Variants in MYOC observed in about 807,000 individuals in gnomAD.
MYOC encodes myocilin.
In MYOC, 29 loss-of-function variants were observed where a neutral mutation model predicts 28.2. The ratio of observed to expected loss-of-function variants is 1.03; its 90% CI spans 0.77 to 1.40. MYOC has a LOEUF of 1.40. Among genes scored for constraint, MYOC ranks in the 40% most tolerant of loss-of-function variants. The pLI is 0.00. For synonymous variants in MYOC, 240 were observed against 245.6 expected, an observed-to-expected ratio of 0.98 and a Z score of 0.21; for missense variants, 569 against 620.6, an observed-to-expected ratio of 0.92 and a Z score of 0.88.
intron 2 of MYOC, 23 bp from the exon 3 acceptor site, chr1:171,636,732 C>T (rs570362947): frequency 1.2e-4 from 199 of 1,597,368 alleles, no homozygotes; most frequent in South Asian, 9.8e-4. Flanking sequence ...GAAAAGAAAA[C>T]GAAGCACCAC....
chr1:171,639,496 T>A (rs1653019817), intron 1 of MYOC, among the ~76,000 whole-genome samples: 1 of 151,756 alleles, frequency 6.6e-6, no homozygotes, highest in Admixed American at 6.6e-5. Context: ...TCATGAAAAA[T>A]TAGCTGGGCA....
At chr1:171,642,895 A>AG (rs1248469859) in intron 1 of MYOC, among the ~76,000 whole-genome samples, 3 of 151,774 alleles carry the variant, frequency 2.0e-5, no homozygotes, top group Admixed American at 6.6e-5. Flanking sequence ...GTTTAAAAAA[A>AG]AAAAAAAAAA....
rs1421370936 is a variant in MYOC at position 171,652,111 on chromosome 1, G to A, written c.501C>T (p.Ala167=). ...CCTGGCTGCTGCTTTCCAACCTCCT[G>A]GCCAGATTCTCATTTTCTTGCCTTA... ...KRLRQENENL[A]RRLESSSQEV... Residue 167 remains alanine, a synonymous_variant, in exon 1 of 3, where the codon GCC becomes GCT. Transcript: ENST00000037502. 6.2e-7 allele frequency: 1 copy of A among 1,614,104 alleles called. No individual in the cohort carries two copies. Among genetic ancestry groups the A allele is most frequent in the Non-Finnish European group, 8.5e-7 (1 of 1,180,012 alleles).
chr1:171,637,937 C>T (rs2102945365), intron 2 of MYOC, among the ~76,000 whole-genome samples: 1 of 152,254 alleles, frequency 6.6e-6, no homozygotes, highest in South Asian at 2.1e-4. Context: ...TTTAATGGCA[C>T]CTTCGGTTCC....
Position 171,636,025 on chromosome 1 carries a change from T to C in MYOC, c.1415A>G (p.Lys472Arg). The C allele has an allele frequency of 6.2e-7, 1 of 1,614,202 alleles. No homozygotes were observed. Among genetic ancestry groups the C allele is most frequent in the Non-Finnish European group, 8.5e-7 (1 of 1,180,042 alleles). ...GTTGTAGTCAATCATGCTGCTGTAC[T>C]TATAGCGGTTCTTGAATGGGATGGT... ...TLTIPFKNRY[K>R]YSSMIDYNPL... The change falls in exon 3 of 3, where the codon AAG becomes AGG. Residue 472 changes from lysine to arginine, a missense_variant. Transcript: ENST00000037502.
At chr1:171,641,108 AGAT>A (rs1653068374) in intron 1 of MYOC, among the ~76,000 whole-genome samples, 1 of 152,052 alleles carries the variant, frequency 6.6e-6, no homozygotes, top group Non-Finnish European at 1.5e-5. Context: ...CTGTGGCGGG[AGAT>A]GATGATAATC....
At position 171,635,833 on chromosome 1, in the gene MYOC, G is replaced by A; in HGVS notation, c.*92C>T. 2.2e-6 allele frequency: 3 copies of A among 1,381,116 alleles called. No individual in the cohort carries two copies. The highest frequency in any genetic ancestry group is 3.0e-6 in the Non-Finnish European group (3 of 988,356). 85.6% of individuals were successfully genotyped at this position (1,381,116 alleles called of 1,614,324 possible). On this transcript the variant is annotated 3_prime_UTR_variant, in exon 3 of 3. Coordinates refer to ENST00000037502, the MANE Select transcript of MYOC (RefSeq NM_000261.2). ...ACTTGGAAAGCAGTCAAAGCTGCCTGGGCCCTGGCTGGCTGGCTCTCCCTT... is the reference window on the plus strand; with the variant it reads ...ACTTGGAAAGCAGTCAAAGCTGCCTAGGCCCTGGCTGGCTGGCTCTCCCTT...
chr1:171,641,985 CT>C (rs1483025692), intron 1 of MYOC, among the ~76,000 whole-genome samples: 8 of 152,260 alleles, frequency 5.3e-5, no homozygotes, highest in Non-Finnish European at 8.8e-5. Flanking sequence ...ATTTTCACAT[CT>C]CCAGAGTCAG....
chr1:171,638,592 C>T lies in MYOC; in HGVS notation c.730+5G>A, dbSNP rs1402163127. The T allele has an allele frequency of 6.2e-7, 1 of 1,614,064 alleles. No individual in the cohort carries two copies. Among genetic ancestry groups the T allele is most frequent in the East Asian group, 2.2e-5 (1 of 44,870 alleles). On this transcript the variant is annotated splice_donor_5th_base_variant and intron_variant, in intron 2 of 2. Transcript: ENST00000037502. ...GCACAAAAGGGAAGAAACTTAACTT[C>T]ATACCGGTGTCTCCCTCTCCACTCC...
chr1:171,637,681 C>T (rs1364898295), intron 2 of MYOC, among the ~76,000 whole-genome samples: 6 of 150,950 alleles, frequency 4.0e-5, no homozygotes, highest in African/African-American at 1.5e-4. Flanking sequence ...GGTGTGATCT[C>T]GGCTCACTGC....
chr1:171,652,538 C>T lies in MYOC; in HGVS notation c.74G>A (p.Cys25Tyr). Reference sequence around the variant, plus strand: ...CCTGGCCCCCACATCCCACACCAGGCAGGCCAGAAGCAGCAGCTGGACAGC... The same window carrying T: ...CCTGGCCCCCACATCCCACACCAGGTAGGCCAGAAGCAGCAGCTGGACAGC... ...MPAVQLLLLA[C>Y]LVWDVGARTA... Residue 25 changes from cysteine to tyrosine, a missense_variant, in exon 1 of 3, where the codon TGC becomes TAC. Transcript: ENST00000037502. 2 of 1,614,226 alleles carry T rather than the reference C, an allele frequency of 1.2e-6. No homozygotes were observed. The highest frequency in any genetic ancestry group is 1.7e-6 in the Non-Finnish European group (2 of 1,180,044).
intron 2 of MYOC, among the ~76,000 whole-genome samples, chr1:171,638,124 C>T (rs963464185): frequency 1.2e-4 from 19 of 152,196 alleles, no homozygotes; most frequent in Non-Finnish European, 2.4e-4. Flanking sequence ...TCAGGGAACA[C>T]TTTGGAGAGA....
chr1:171,646,370 G>C (rs1251600031), intron 1 of MYOC, among the ~76,000 whole-genome samples: 1 of 151,962 alleles, frequency 6.6e-6, no homozygotes, highest in East Asian at 1.9e-4. Flanking sequence ...TCTCTGGAAT[G>C]TTTTAAAATC....
intron 1 of MYOC, among the ~76,000 whole-genome samples, chr1:171,648,628 T>TATAATTATATATATAATAAA (rs1653260344): frequency 6.7e-6 from 1 of 148,192 alleles, no homozygotes; most frequent in South Asian, 2.1e-4. Context: ...TATATATGTA[T>TATAATTATATATATAATAAA]TTTATTATAT....
chr1:171,639,369 A>T (rs969444938), intron 1 of MYOC, among the ~76,000 whole-genome samples: 2 of 152,172 alleles, frequency 1.3e-5, no homozygotes, highest in Admixed American at 6.6e-5. Context: ...TTCAAAATCA[A>T]ATAATATTTT....
rs770869439 is a variant in MYOC at position 171,638,637 on chromosome 1, C to T, written c.690G>A (p.Glu230=). ...TEVPASRILK[E]SPSGYLRSGE... ...CACTCCTGAGATAGCCAGATGGGCT[C>T]TCCTTCAAAATTCGGGAAGCAGGAA... The change falls in exon 2 of 3, where the codon GAG becomes GAA. Residue 230 remains glutamate, a synonymous_variant. Coordinates refer to ENST00000037502, the MANE Select transcript of MYOC (RefSeq NM_000261.2). 1.9e-6 allele frequency: 3 copies of T among 1,614,192 alleles called. No individual in the cohort carries two copies. The South Asian group carries it at 3.3e-5, about 18-fold the overall frequency.
chr1:171,635,881 C>T lies in MYOC; in HGVS notation c.*44G>A. 1 of 1,607,904 alleles carries T rather than the reference C, an allele frequency of 6.2e-7. No individual in the cohort carries two copies. Among genetic ancestry groups the T allele is most frequent in the Non-Finnish European group, 8.5e-7 (1 of 1,176,216 alleles). On this transcript the variant is annotated 3_prime_UTR_variant, in exon 3 of 3. Transcript: ENST00000037502. ...CTTCAGCCTGCTCCCCCCAGGAGCC[C>T]TGAGCATCTCCTTCTGCCATTGCCT... is the stretch of plus-strand genomic sequence containing the variant.
rs1307396649 is a variant in MYOC, at chr1:171,635,775, G to A, written c.*150C>T. 1.7e-5 allele frequency: 13 copies of A among 749,066 alleles called. No individual in the cohort carries two copies. Among genetic ancestry groups the A allele is most frequent in the Non-Finnish European group, 3.0e-5 (13 of 439,336 alleles). The allele number at this position is 749,066 out of a possible 1,614,324, so 46.4% of individuals were successfully genotyped here. A position where few individuals can be genotyped will look rare whatever the true frequency, so the allele number is the denominator to read the frequency against. On this transcript the variant is annotated 3_prime_UTR_variant, in exon 3 of 3. Coordinates refer to ENST00000037502, the MANE Select transcript of MYOC (RefSeq NM_000261.2). ...GACTACAATTCCTGAATAGTTAGAT[G>A]GTGACCATGTTCATCCTTCTGGATT...
In MYOC at chr1:171,652,122, C is replaced by T. The variant is rs1022182938; in HGVS notation, c.490G>A (p.Glu164Lys). The T allele has an allele frequency of 1.2e-6, 2 of 1,614,084 alleles. No individual in the cohort carries two copies. Among genetic ancestry groups the T allele is most frequent in the African/African-American group, 2.7e-5 (2 of 74,912 alleles). Reference protein sequence around the residue: ...EEKKRLRQENENLARRLESSS... With the variant: ...EEKKRLRQENKNLARRLESSS... ...CTTTCCAACCTCCTGGCCAGATTCT[C>T]ATTTTCTTGCCTTAGTCGCTTCTTC... The change falls in exon 1 of 3, where the codon GAG becomes AAG. Residue 164 changes from glutamate to lysine, a missense_variant. Coordinates refer to ENST00000037502, the MANE Select transcript of MYOC (RefSeq NM_000261.2).
Sources: gnomAD v4.1 joint callset for allele counts (sites outside exome capture counted in the v4.1 genomes callset) on GRCh38, gnomAD v4.1.1 for gene constraint, MANE v1.5 for transcripts, NCBI Gene and HGNC (gene_info 2026-07-23, HGNC 2026-07-21) for gene names.